The following TAFA1 variants were observed in gnomAD, a reference collection of about 807,000 sequenced individuals.
TAFA1 encodes TAFA chemokine like family member 1, also known as chemokine-like protein TAFA-1.
In TAFA1, 4 loss-of-function variants were observed where a neutral mutation model predicts 18.5. The observed-to-expected ratio is 0.22, with a 90% confidence interval of 0.11 to 0.49. TAFA1 has a LOEUF of 0.49. Among genes scored for constraint, TAFA1 ranks in the 20% least tolerant of loss-of-function variants. TAFA1 has a pLI of 0.98. For synonymous variants in TAFA1, 56 were observed against 55.2 expected (o/e 1.01, Z -0.06); for missense variants, 147 against 169.0 (o/e 0.87, Z 0.72).
rs555686695 is a variant in TAFA1 at position 68,517,618 on chromosome 3, G to A, written c.260-21138G>A. Reference sequence around the variant, plus strand: ...TGTACTGAAGAAAATATTTGATGAGGACAGACCCCTTAATCCTGTCAAACG... The same window carrying A: ...TGTACTGAAGAAAATATTTGATGAGAACAGACCCCTTAATCCTGTCAAACG... On this transcript the variant is annotated intron_variant, in intron 3 of 4. Transcript: ENST00000478136. 9.2e-5 allele frequency among the ~76,000 whole-genome samples: 14 copies of A among 152,172 alleles called. No individual in the cohort carries two copies. In the South Asian group the frequency reaches 2.9e-3, roughly 32 times the overall value.
chr3:68,239,887 C>T (rs2066974838), intron 2 of TAFA1, among the ~76,000 whole-genome samples: 1 of 152,092 alleles, frequency 6.6e-6, no homozygotes, highest in Non-Finnish European at 1.5e-5. Context: ...AGTGAATTTG[C>T]CTTTTAAATA....
intron 2 of TAFA1, among the ~76,000 whole-genome samples, chr3:68,192,929 T>A (rs1175331021): frequency 6.6e-6 from 1 of 151,746 alleles, no homozygotes; most frequent in East Asian, 2.0e-4. Context: ...TGGAAATGTG[T>A]CCATAGAGGC....
intron 3 of TAFA1, among the ~76,000 whole-genome samples, chr3:68,473,391 T>C (rs969823361): frequency 2.0e-5 from 3 of 152,202 alleles, no homozygotes; most frequent in African/African-American, 7.2e-5. Context: ...CCACAACAGA[T>C]AGAAAATGAA....
chr3:68,481,071 C>G (rs564731486), intron 3 of TAFA1, among the ~76,000 whole-genome samples: 113 of 152,298 alleles, frequency 7.4e-4, no homozygotes, highest in Admixed American at 1.4e-3. Flanking sequence ...CATTAAACCT[C>G]TTTTCTTTAT....
chr3:68,488,774 A>G (rs1008352825), intron 3 of TAFA1, among the ~76,000 whole-genome samples: 1 of 152,170 alleles, frequency 6.6e-6, no homozygotes, highest in Non-Finnish European at 1.5e-5. Context: ...TTTTATTAGT[A>G]GTGGAATTAA....
chr3:68,251,690 C>T (rs9815318), intron 2 of TAFA1, among the ~76,000 whole-genome samples: 1,911 of 152,192 alleles, frequency 0.013, 43 homozygotes, highest in African/African-American at 0.044. Flanking sequence ...TGCAAAGGTC[C>T]TGAGGCAGAA....
intron 2 of TAFA1, among the ~76,000 whole-genome samples, chr3:68,146,017 A>G (rs1006994780): frequency 2.0e-5 from 3 of 152,150 alleles, no homozygotes; most frequent in Admixed American, 1.3e-4. Flanking sequence ...CCTGGATTTT[A>G]TCAGTTTTTT....
At chr3:68,365,943 G>T (rs1429029006) in intron 2 of TAFA1, among the ~76,000 whole-genome samples, 2 of 151,894 alleles carry the variant, frequency 1.3e-5, no homozygotes, top group Non-Finnish European at 2.9e-5. Context: ...AAATTAGCTG[G>T]GCATGGTGGC....
chr3:68,007,699 G>A (rs890374902), intron 2 of TAFA1, among the ~76,000 whole-genome samples: 2 of 147,998 alleles, frequency 1.4e-5, no homozygotes, highest in African/African-American at 5.0e-5. Context: ...CAGTTCTGAA[G>A]TGCTCCCAGC....
chr3:68,411,708 C>T (rs918513806), intron 2 of TAFA1, among the ~76,000 whole-genome samples: 5 of 152,000 alleles, frequency 3.3e-5, no homozygotes, highest in African/African-American at 9.7e-5. Flanking sequence ...TAACTGAGCC[C>T]CCTTGGATAA....
At chr3:68,305,409 C>CCA (rs2068390158) in intron 2 of TAFA1, among the ~76,000 whole-genome samples, 2 of 38,202 alleles carry the variant, frequency 5.2e-5, no homozygotes, top group South Asian at 2.4e-3. Flanking sequence ...GACTATATGA[C>CCA]TATATATATA....
At chr3:68,180,604 C>G (rs967740972) in intron 2 of TAFA1, among the ~76,000 whole-genome samples, 1 of 152,128 alleles carries the variant, frequency 6.6e-6, no homozygotes, top group African/African-American at 2.4e-5. Flanking sequence ...TAGTGTCTGC[C>G]CCTTCTAGAG....
At chr3:68,105,492 C>G (rs2065193004) in intron 2 of TAFA1, among the ~76,000 whole-genome samples, 1 of 152,090 alleles carries the variant, frequency 6.6e-6, no homozygotes. Context: ...TATGACTGCT[C>G]TTTAAGCAAA....
intron 2 of TAFA1, among the ~76,000 whole-genome samples, chr3:68,055,618 G>T (rs2064526580): frequency 6.6e-6 from 1 of 152,070 alleles, no homozygotes; most frequent in Admixed American, 6.6e-5. Flanking sequence ...CTGCCTCCTA[G>T]GTGAAGCTTC....
At chr3:68,425,151 A>T (rs899279666) in intron 3 of TAFA1, among the ~76,000 whole-genome samples, 1 of 151,960 alleles carries the variant, frequency 6.6e-6, no homozygotes, top group Non-Finnish European at 1.5e-5. Context: ...AAAAACCCTA[A>T]GCCCCTATTT....
chr3:68,101,246 G>C (rs1313211534), intron 2 of TAFA1, among the ~76,000 whole-genome samples: 2 of 151,336 alleles, frequency 1.3e-5, no homozygotes, highest in Non-Finnish European at 3.0e-5. Flanking sequence ...GATTTCAAAG[G>C]CTTGAAGGTG....
intron 2 of TAFA1, among the ~76,000 whole-genome samples, chr3:68,220,897 C>T (rs1376190229): frequency 1.3e-5 from 2 of 152,214 alleles, no homozygotes; most frequent in East Asian, 3.9e-4. Context: ...TCAGATTGTC[C>T]CCACTGGCAC....
intron 2 of TAFA1, among the ~76,000 whole-genome samples, chr3:68,083,579 A>T (rs1038285558): frequency 1.3e-5 from 2 of 152,202 alleles, no homozygotes; most frequent in African/African-American, 4.8e-5. Context: ...CACTAGGCCT[A>T]TGGGCTCTCT....
chr3:68,349,527 A>C (rs2069226754), intron 2 of TAFA1, among the ~76,000 whole-genome samples: 1 of 152,078 alleles, frequency 6.6e-6, no homozygotes, highest in Non-Finnish European at 1.5e-5. Context: ...TTGGGCATAG[A>C]GTGTTTTTAA....
Sources: gnomAD v4.1 joint callset for allele counts (sites outside exome capture counted in the v4.1 genomes callset) on GRCh38, gnomAD v4.1.1 for gene constraint, MANE v1.5 for transcripts, NCBI Gene and HGNC (gene_info 2026-07-23, HGNC 2026-07-21) for gene names.